Variants in LCLAT1 observed in about 807,000 individuals in gnomAD.
LCLAT1 encodes 1-AGP acyltransferase 8.
In LCLAT1, 11 loss-of-function variants were observed where a neutral mutation model predicts 30.7. That is an observed-to-expected ratio of 0.36 (90% CI 0.23 to 0.59). The LOEUF (loss-of-function observed/expected upper bound fraction) is 0.59, where lower values mean the gene tolerates loss of function less well. Among genes scored for constraint, LCLAT1 ranks in the 20% least tolerant of loss-of-function variants. The probability of loss-of-function intolerance (pLI) is 0.77; values close to 1 mark genes in which losing one functional copy is unlikely to be tolerated. For missense variants in LCLAT1, 402 were observed against 458.6 expected, an observed-to-expected ratio of 0.88 and a Z score of 1.13; for synonymous variants, 155 against 151.3, an observed-to-expected ratio of 1.02 and a Z score of -0.18.
At chr2:30,571,040 A>G (rs937596318) in intron 5 of LCLAT1, among the ~76,000 whole-genome samples, 2 of 152,210 alleles carry the variant, frequency 1.3e-5, no homozygotes, top group Admixed American at 1.3e-4. Context: ...CTCATGTATT[A>G]TTAAGACTTG....
intron 5 of LCLAT1, chr2:30,607,079 G>T (rs946588089): frequency 6.6e-6 from 1 of 152,120 alleles, no homozygotes. Flanking sequence ...TAAAAGTCAT[G>T]AAACAACAGA....
chr2:30,628,752 T>G (rs1408902004), intron 5 of LCLAT1, among the ~76,000 whole-genome samples: 1 of 152,050 alleles, frequency 6.6e-6, no homozygotes, highest in African/African-American at 2.4e-5. Flanking sequence ...AAAACTGATA[T>G]CCATTTGAAA....
At chr2:30,537,274 G>A (rs949494020) in intron 3 of LCLAT1, among the ~76,000 whole-genome samples, 6 of 152,056 alleles carry the variant, frequency 3.9e-5, no homozygotes, top group Non-Finnish European at 8.8e-5. Context: ...CCAGCTACTC[G>A]GGAGGCTGAG....
intron 5 of LCLAT1, among the ~76,000 whole-genome samples, chr2:30,635,426 G>A (rs572746570): frequency 1.3e-5 from 2 of 152,082 alleles, no homozygotes; most frequent in African/African-American, 4.8e-5. Flanking sequence ...GGTGTAAGCT[G>A]TCTTTCTTCT....
At position 30,487,386 on chromosome 2, in the gene LCLAT1, T is replaced by A. The variant is rs148192103; in HGVS notation, c.-4-38201T>A. 1.9e-4 allele frequency among the ~76,000 whole-genome samples: 29 copies of A among 152,296 alleles called. No homozygotes were observed. The East Asian group carries it at 5.6e-3, about 29-fold the overall frequency. Reference sequence around the variant, plus strand: ...ATAGAAAATCCGTAATTTAATAAATTGAAACAAACATAAAATAGTGACATT... The same window carrying A: ...ATAGAAAATCCGTAATTTAATAAATAGAAACAAACATAAAATAGTGACATT... On this transcript the variant is annotated intron_variant, in intron 1 of 5. Coordinates refer to ENST00000379509, the MANE Select transcript of LCLAT1 (RefSeq NM_001002257.3).
intron 1 of LCLAT1, among the ~76,000 whole-genome samples, chr2:30,485,937 T>A (rs76865651): frequency 0.013 from 1,920 of 152,264 alleles, 42 homozygotes; most frequent in African/African-American, 0.043. Flanking sequence ...CTCAGAAGAG[T>A]CAGATGCCTT....
chr2:30,454,355 A>T (rs1021824199), intron 1 of LCLAT1, among the ~76,000 whole-genome samples: 3 of 152,242 alleles, frequency 2.0e-5, no homozygotes, highest in African/African-American at 7.2e-5. Context: ...ATGAAATTTT[A>T]TGATGTAGTG....
chr2:30,524,816 T>C (rs1484420198), intron 1 of LCLAT1, among the ~76,000 whole-genome samples: 1 of 152,142 alleles, frequency 6.6e-6, no homozygotes. Context: ...AACTTTATCA[T>C]GGTATGTATG....
chr2:30,482,466 A>G (rs1481895232), intron 1 of LCLAT1, among the ~76,000 whole-genome samples: 1 of 152,254 alleles, frequency 6.6e-6, no homozygotes, highest in African/African-American at 2.4e-5. Flanking sequence ...GTGTGGAAAG[A>G]ATGTATGGCT....
Position 30,640,227 on chromosome 2 carries a change from G to C in LCLAT1, c.739G>C (p.Val247Leu). The C allele has an allele frequency of 1.2e-6, 2 of 1,614,052 alleles. No individual in the cohort carries two copies. The highest frequency in any genetic ancestry group is 1.1e-5 in the South Asian group (1 of 91,072). ...CTTTCCCAGGGAAATCCACTTTCACGTCCACCGGTATCCAATAGACACCCT... is the reference window on the plus strand; with the variant it reads ...CTTTCCCAGGGAAATCCACTTTCACCTCCACCGGTATCCAATAGACACCCT... ...GDFPREIHFHVHRYPIDTLPT... is the reference protein window; with the variant it reads ...GDFPREIHFHLHRYPIDTLPT... The change falls in exon 6 of 6, where the codon GTC becomes CTC. Residue 247 changes from valine to leucine, a missense_variant. By Grantham distance (32) the Val-to-Leu change is conservative (BLOSUM62 1). Coordinates refer to ENST00000379509, the MANE Select transcript of LCLAT1 (RefSeq NM_001002257.3).
At chr2:30,508,240 A>C (rs1029933189) in intron 1 of LCLAT1, among the ~76,000 whole-genome samples, 9 of 151,278 alleles carry the variant, frequency 5.9e-5, no homozygotes, top group African/African-American at 2.2e-4. Flanking sequence ...TTGTCTGTTC[A>C]CTCTGTTGAT....
intron 3 of LCLAT1, among the ~76,000 whole-genome samples, chr2:30,542,159 CTG>C (rs1033827617): frequency 9.9e-5 from 15 of 152,108 alleles, no homozygotes; most frequent in Admixed American, 3.3e-4. Context: ...TTACCCCAGA[CTG>C]TGGTTTACCT....
At chr2:30,544,787 G>A (rs1011817803) in intron 3 of LCLAT1, among the ~76,000 whole-genome samples, 16 of 152,230 alleles carry the variant, frequency 1.1e-4, no homozygotes, top group South Asian at 6.2e-4. Flanking sequence ...ACAGAAATCC[G>A]TATTAGACTT....
At chr2:30,598,742 G>A (rs764059185) in intron 5 of LCLAT1, among the ~76,000 whole-genome samples, 2 of 152,004 alleles carry the variant, frequency 1.3e-5, no homozygotes, top group Non-Finnish European at 2.9e-5. Context: ...TAGTTGTGAT[G>A]TTAGGATGTC....
intron 1 of LCLAT1, chr2:30,459,601 A>G (rs746843527): frequency 3.0e-5 from 48 of 1,576,286 alleles, no homozygotes; most frequent in Non-Finnish European, 4.1e-5. Flanking sequence ...CAACAAATGG[A>G]TGATGTGATA....
At chr2:30,574,801 A>G (rs574068573) in intron 5 of LCLAT1, among the ~76,000 whole-genome samples, 2 of 152,330 alleles carry the variant, frequency 1.3e-5, no homozygotes, top group East Asian at 3.9e-4. Context: ...GTCAAGAGCT[A>G]TAGTAGTAAG....
At chr2:30,591,014 T>G (rs886697160) in intron 5 of LCLAT1, among the ~76,000 whole-genome samples, 18 of 152,184 alleles carry the variant, frequency 1.2e-4, no homozygotes, top group Non-Finnish European at 2.9e-5. Context: ...TTGTGACTTT[T>G]GCAGTTTAGG....
intron 5 of LCLAT1, among the ~76,000 whole-genome samples, chr2:30,596,041 T>A (rs1376575997): frequency 6.6e-6 from 1 of 152,196 alleles, no homozygotes; most frequent in Non-Finnish European, 1.5e-5. Context: ...CTGTCATTGA[T>A]GGGAATTTAG....
At chr2:30,616,304 C>G (rs1227270335) in intron 5 of LCLAT1, among the ~76,000 whole-genome samples, 4 of 152,130 alleles carry the variant, frequency 2.6e-5, no homozygotes, top group African/African-American at 4.8e-5. Flanking sequence ...AGCAAAAATA[C>G]ATCCTTCAAA....
Sources: allele counts gnomAD v4.1 joint callset (sites outside exome capture counted in the v4.1 genomes callset), GRCh38; gene constraint gnomAD v4.1.1; transcripts MANE v1.5; gene names NCBI Gene and HGNC (gene_info 2026-07-23, HGNC 2026-07-21).